Variants in TAFA5 observed in about 807,000 individuals in gnomAD.
TAFA5 encodes chemokine-like protein TAFA-5.
TAFA5 carries 6 observed loss-of-function variants against 15.3 expected under a neutral mutation model. That is an observed-to-expected ratio of 0.39 (90% CI 0.21 to 0.77). The LOEUF is 0.77. TAFA5 is among the 30% of genes least tolerant of loss of function. The probability of loss-of-function intolerance (pLI) is 0.41; values close to 1 mark genes in which losing one functional copy is unlikely to be tolerated. For synonymous variants in TAFA5, 103 were observed against 80.7 expected (o/e 1.28, Z -1.48); for missense variants, 161 against 193.1 (o/e 0.83, Z 0.98).
At chr22:48,585,650 G>C (rs1427541672) in intron 1 of TAFA5, among the ~76,000 whole-genome samples, 2 of 145,540 alleles carry the variant, frequency 1.4e-5, no homozygotes, top group Non-Finnish European at 3.0e-5. Flanking sequence ...CACACACTAT[G>C]CATTATGCAC....
intron 1 of TAFA5, among the ~76,000 whole-genome samples, chr22:48,518,828 A>C (rs749588809): frequency 8.5e-5 from 13 of 152,202 alleles, no homozygotes; most frequent in Admixed American, 2.6e-4. Context: ...TTTCCTGAAG[A>C]CACTTTACAC....
chr22:48,620,933 C>CAT (rs1569051149), intron 1 of TAFA5, among the ~76,000 whole-genome samples: 18 of 85,334 alleles, frequency 2.1e-4, no homozygotes, highest in South Asian at 3.8e-4. Context: ...TTCATCCATC[C>CAT]CCCCACCCAC....
At chr22:48,540,576 A>G (rs184341338) in intron 1 of TAFA5, among the ~76,000 whole-genome samples, 213 of 147,680 alleles carry the variant, frequency 1.4e-3, no homozygotes, top group African/African-American at 5.0e-3. Context: ...CGCTGAGCGC[A>G]GATATGCACA....
chr22:48,743,636 C>T (rs889822982), intron 3 of TAFA5, among the ~76,000 whole-genome samples: 1 of 152,188 alleles, frequency 6.6e-6, no homozygotes, highest in African/African-American at 2.4e-5. Context: ...CTCATTCCGG[C>T]GTACCACGGC....
chr22:48,530,395 C>T lies in TAFA5; in HGVS notation c.112+40691C>T, dbSNP rs1183893041. Among the ~76,000 whole-genome samples the T allele has an allele frequency of 2.6e-5, 4 of 152,142 alleles. No individual in the cohort carries two copies. The highest frequency in any genetic ancestry group is 4.8e-5 in the African/African-American group (2 of 41,424). ...GCTGGAGCCCAGAGAAGGAATGCAC[C>T]GGGCACTGTCGTGGGGCCGGCATTC... On this transcript the variant is annotated intron_variant, in intron 1 of 3. Coordinates refer to ENST00000402357, the MANE Select transcript of TAFA5 (RefSeq NM_001082967.3). This position sits in a 1 kb window ranked among gnomAD's most constrained non-coding sequence, Gnocchi z 6.0.
At chr22:48,541,397 C>G (rs1379855692) in intron 1 of TAFA5, among the ~76,000 whole-genome samples, 1 of 152,178 alleles carries the variant, frequency 6.6e-6, no homozygotes, top group Non-Finnish European at 1.5e-5. Context: ...TGGAGACCCT[C>G]CCCATTCCCA....
chr22:48,695,955 C>T (rs1928697867), intron 2 of TAFA5, among the ~76,000 whole-genome samples: 2 of 152,166 alleles, frequency 1.3e-5, no homozygotes, highest in African/African-American at 4.8e-5. Context: ...ACAGACAGGA[C>T]GCAGAGGGTC....
chr22:48,644,064 G>A (rs968984425), intron 1 of TAFA5, among the ~76,000 whole-genome samples: 2 of 152,254 alleles, frequency 1.3e-5, no homozygotes, highest in Non-Finnish European at 2.9e-5. Context: ...CCAGAGAGAA[G>A]CAGCACCTCA....
intron 1 of TAFA5, among the ~76,000 whole-genome samples, chr22:48,617,874 C>T (rs1232728168): frequency 6.6e-6 from 1 of 152,128 alleles, no homozygotes; most frequent in African/African-American, 2.4e-5. Context: ...TGGGTCCAGC[C>T]TGTCCTTACG....
At chr22:48,741,917 C>G (rs1471346645) in intron 3 of TAFA5, among the ~76,000 whole-genome samples, 1 of 152,220 alleles carries the variant, frequency 6.6e-6, no homozygotes, top group Non-Finnish European at 1.5e-5. Context: ...CTTCTTTATT[C>G]TGAGTTATAC....
chr22:48,720,397 C>T (rs1197863512), intron 3 of TAFA5, among the ~76,000 whole-genome samples: 1 of 152,172 alleles, frequency 6.6e-6, no homozygotes, highest in East Asian at 1.9e-4. Flanking sequence ...AGGGACACCC[C>T]TCGAGAATCG....
intron 1 of TAFA5, among the ~76,000 whole-genome samples, chr22:48,627,644 G>A (rs549959624): frequency 2.6e-5 from 4 of 152,358 alleles, no homozygotes; most frequent in East Asian, 1.9e-4. Flanking sequence ...GGAGGCCCAC[G>A]CTGTTGGACC....
intron 1 of TAFA5, among the ~76,000 whole-genome samples, chr22:48,500,401 A>T (rs1165648335): frequency 2.0e-5 from 3 of 152,146 alleles, no homozygotes; most frequent in African/African-American, 7.2e-5. Context: ...CTCGACAAAC[A>T]CCTCTAGTGT....
chr22:48,577,941 G>A (rs1218149261), intron 1 of TAFA5, among the ~76,000 whole-genome samples: 1 of 152,208 alleles, frequency 6.6e-6, no homozygotes, highest in Admixed American at 6.5e-5. Flanking sequence ...CTTGGGGCTG[G>A]GGAGGCCATC....
intron 1 of TAFA5, among the ~76,000 whole-genome samples, chr22:48,557,752 C>T (rs1424702563): frequency 6.6e-6 from 1 of 152,328 alleles, no homozygotes; most frequent in East Asian, 1.9e-4. Context: ...CCTGACCTGC[C>T]CTTAGCAGGC....
chr22:48,553,238 C>T (rs1349325465), intron 1 of TAFA5, among the ~76,000 whole-genome samples: 1 of 152,194 alleles, frequency 6.6e-6, no homozygotes, highest in African/African-American at 2.4e-5. Flanking sequence ...TGTGCCCCTC[C>T]TGCCTGGCTC....
chr22:48,654,232 A>G (rs1294269497), intron 2 of TAFA5, among the ~76,000 whole-genome samples: 1 of 151,988 alleles, frequency 6.6e-6, no homozygotes, highest in Non-Finnish European at 1.5e-5. Flanking sequence ...AGCCAAGAGG[A>G]GGAGGAGGAG....
chr22:48,728,961 G>T (rs1569096674), intron 3 of TAFA5, among the ~76,000 whole-genome samples: 1 of 152,158 alleles, frequency 6.6e-6, no homozygotes, highest in Non-Finnish European at 1.5e-5. Flanking sequence ...AGTCAGCCAA[G>T]TTGTAGAGCA....
At position 48,541,002 on chromosome 22, in the gene TAFA5, T is replaced by C. The variant is rs923808461; in HGVS notation, c.112+51298T>C. On this transcript the variant is annotated intron_variant, in intron 1 of 3. Coordinates refer to ENST00000402357, the MANE Select transcript of TAFA5 (RefSeq NM_001082967.3). ...CCTGGGCCAAACCCTGCAGAGGGGC[T>C]CACCAAAGGAAAATGGGGATCCTGG... is the stretch of plus-strand genomic sequence containing the variant. Among the ~76,000 whole-genome samples, 4 of 152,008 alleles carry C rather than the reference T, an allele frequency of 2.6e-5. No homozygotes were observed. In the East Asian group the frequency reaches 5.8e-4, roughly 22 times the overall value.
Sources: allele counts gnomAD v4.1 joint callset (sites outside exome capture counted in the v4.1 genomes callset), GRCh38; gene constraint gnomAD v4.1.1; non-coding constraint Gnocchi (gnomAD v3.1); transcripts MANE v1.5; gene names NCBI Gene and HGNC (gene_info 2026-07-23, HGNC 2026-07-21).